Variants in UTRN observed in about 807,000 individuals in gnomAD.
UTRN encodes the protein utrophin.
Under a neutral mutation model 463.9 loss-of-function variants are expected in UTRN, and 283 were observed. The ratio of observed to expected loss-of-function variants is 0.61; its 90% confidence interval spans 0.55 to 0.67. The LOEUF is 0.67. Ranked by LOEUF, UTRN falls within the 30% of genes least tolerant of loss-of-function variation. UTRN has a pLI of 0.00. For synonymous variants in UTRN, 1,442 were observed against 1,431.5 expected, an observed-to-expected ratio of 1.01 and a Z score of -0.17; for missense variants, 3,922 against 4,084.3, an observed-to-expected ratio of 0.96 and a Z score of 1.08.
chr6:144,314,401 G>A (rs1775143172), intron 2 of UTRN, among the ~76,000 whole-genome samples: 2 of 152,178 alleles, frequency 1.3e-5, no homozygotes, highest in Admixed American at 1.3e-4. Context: ...GACCTCTTCA[G>A]GGCGGAGCTG....
At chr6:144,399,781 A>G (rs1782777613) in intron 2 of UTRN, among the ~76,000 whole-genome samples, 1 of 152,186 alleles carries the variant, frequency 6.6e-6, no homozygotes, top group Non-Finnish European at 1.5e-5. Flanking sequence ...TGCTAAAACA[A>G]TTTTCCATAC....
chr6:144,801,533 T>C (rs911931224), intron 64 of UTRN, among the ~76,000 whole-genome samples: 2 of 152,096 alleles, frequency 1.3e-5, no homozygotes, highest in African/African-American at 4.8e-5. Context: ...CCAAGATATA[T>C]ATATATATAT....
At chr6:144,720,262 G>A (rs1405402723) in intron 53 of UTRN, among the ~76,000 whole-genome samples, 2 of 152,274 alleles carry the variant, frequency 1.3e-5, no homozygotes, top group South Asian at 2.1e-4. Context: ...TCTTTATACC[G>A]TCTTATCTTT....
chr6:144,600,120 C>T (rs1804088511), intron 51 of UTRN, among the ~76,000 whole-genome samples: 1 of 152,198 alleles, frequency 6.6e-6, no homozygotes, highest in South Asian at 2.1e-4. Flanking sequence ...GTTCCATCAA[C>T]ACACCATTCC....
At position 144,846,755 on chromosome 6, in the gene UTRN, A is replaced by G. The variant is rs757667226; in HGVS notation, c.10271-50A>G. ...TTTGCATGCCTGAGAGTTGGAACCA[A>G]CAAAGTAACAGGACTGCCATTAAGT... On this transcript the variant is annotated intron_variant, in intron 73 of 74. Transcript: ENST00000367545. 5 of 1,613,718 alleles carry G rather than the reference A, an allele frequency of 3.1e-6. No homozygotes were observed. The African/African-American group carries it at 6.7e-5, about 22-fold the overall frequency.
intron 2 of UTRN, among the ~76,000 whole-genome samples, chr6:144,333,652 GGGGT>G (rs1384081919): frequency 6.6e-6 from 1 of 152,244 alleles, no homozygotes; most frequent in East Asian, 1.9e-4. Flanking sequence ...GATCACCCAA[GGGGT>G]GGCAGATCGG....
chr6:144,848,522 G>T (rs1782215804), intron 74 of UTRN, among the ~76,000 whole-genome samples: 1 of 152,164 alleles, frequency 6.6e-6, no homozygotes, highest in African/African-American at 2.4e-5. Context: ...AAGATGGGAG[G>T]ATCAATGGAT....
At chr6:144,688,316 G>C (rs1782960279) in intron 52 of UTRN, among the ~76,000 whole-genome samples, 1 of 151,580 alleles carries the variant, frequency 6.6e-6, no homozygotes. Flanking sequence ...CTTTTCTCTT[G>C]TATCTGGTTG....
intron 65 of UTRN, among the ~76,000 whole-genome samples, chr6:144,818,893 T>TG (rs1379955964): frequency 3.1e-4 from 45 of 144,988 alleles, no homozygotes; most frequent in African/African-American, 1.1e-3. Flanking sequence ...CAATCTGTTG[T>TG]TTTTTTTTTT....
intron 51 of UTRN, among the ~76,000 whole-genome samples, chr6:144,606,280 A>T (rs9403567): frequency 0.069 from 10,431 of 152,274 alleles, 985 homozygotes; most frequent in East Asian, 0.53. Context: ...CCATGCACAG[A>T]TGTAATTACC....
In UTRN at chr6:144,448,710, GCCT is replaced by G. The variant is rs775524055; in HGVS notation, c.2025_2027del (p.Pro677del). On this transcript the variant is annotated inframe_deletion, in exon 17 of 75. Coordinates refer to ENST00000367545, the MANE Select transcript of UTRN (RefSeq NM_007124.3). The stretch of plus-strand genomic sequence containing the variant: ...TTACAAAAAAATCTAAGCAGGAACT[GCCT>G]CCTCCTCCTCCCCCAAAGAAGAGAC... The G allele has an allele frequency of 1.9e-6, 3 of 1,613,804 alleles. No homozygotes were observed. Among genetic ancestry groups the G allele is most frequent in the South Asian group, 1.1e-5 (1 of 91,046 alleles).
At chr6:144,563,132 A>G (rs760210631) in intron 50 of UTRN, among the ~76,000 whole-genome samples, 1 of 152,200 alleles carries the variant, frequency 6.6e-6, no homozygotes, top group Non-Finnish European at 1.5e-5. Context: ...ATTAATTAAT[A>G]ATGGCCAGCT....
chr6:144,748,589 G>A (rs895757968), intron 55 of UTRN, 75 bp downstream of exon 55: 61 of 1,529,346 alleles, frequency 4.0e-5, no homozygotes, highest in African/African-American at 5.6e-5. Context: ...AGAGAGCCAC[G>A]TATATAAATT....
rs369534344 is a variant in UTRN at position 144,675,849 on chromosome 6, C to T, written c.7480-2557C>T. The stretch of plus-strand genomic sequence containing the variant: ...AAAGTTCACGGTGTGAGTCTCCAGA[C>T]GCTGTTCTGTCTGCCTAAGCAGGAG... On this transcript the variant is annotated intron_variant, in intron 51 of 74. Coordinates refer to ENST00000367545, the MANE Select transcript of UTRN (RefSeq NM_007124.3). Among the ~76,000 whole-genome samples, 70 of 152,268 alleles carry T rather than the reference C, an allele frequency of 4.6e-4. 1 individual carries two copies. In the South Asian group the frequency reaches 0.011, roughly 24 times the overall value.
chr6:144,707,853 T>C (rs904521768), intron 53 of UTRN, among the ~76,000 whole-genome samples: 4 of 152,292 alleles, frequency 2.6e-5, no homozygotes, highest in African/African-American at 9.6e-5. Context: ...GTGTGGTGTG[T>C]GTCCCCAGGT....
intron 51 of UTRN, among the ~76,000 whole-genome samples, chr6:144,636,480 A>G (rs1777191318): frequency 6.6e-6 from 1 of 152,138 alleles, no homozygotes; most frequent in African/African-American, 2.4e-5. Flanking sequence ...CCGCCATGAC[A>G]TGTGTATACC....
intron 2 of UTRN, among the ~76,000 whole-genome samples, chr6:144,363,573 T>C (rs1187129856): frequency 2.6e-5 from 4 of 152,152 alleles, no homozygotes; most frequent in Admixed American, 6.5e-5. Flanking sequence ...AGATACAAAC[T>C]CACTCAACTC....
chr6:144,354,526 C>T lies in UTRN; in HGVS notation c.80-48597C>T, dbSNP rs185913190. ...CCCTTTCTCTGGCTGGGTAGTGGCC[C>T]GAGTTAGGCAGTTTCCAGTGCTCTA... On this transcript the variant is annotated intron_variant, in intron 2 of 74. Transcript: ENST00000367545. 5.2e-3 allele frequency among the ~76,000 whole-genome samples: 799 copies of T among 152,260 alleles called. 6 individuals are homozygous for T. The highest frequency in any genetic ancestry group is 8.1e-3 in the Non-Finnish European group (551 of 68,006).
At chr6:144,337,793 T>G (rs1332184330) in intron 2 of UTRN, among the ~76,000 whole-genome samples, 4 of 152,130 alleles carry the variant, frequency 2.6e-5, no homozygotes, top group African/African-American at 4.8e-5. Context: ...TTTTGTAGTT[T>G]TAGTAGAGAT....
Sources: allele counts gnomAD v4.1 joint callset (sites outside exome capture counted in the v4.1 genomes callset), GRCh38; gene constraint gnomAD v4.1.1; transcripts MANE v1.5; gene names NCBI Gene and HGNC (gene_info 2026-07-23, HGNC 2026-07-21).